The following LRRC8B variants were observed in gnomAD, a reference collection of about 807,000 sequenced individuals.
LRRC8B encodes the protein volume-regulated anion channel subunit LRRC8B.
A neutral mutation model predicts 58.8 loss-of-function variants in LRRC8B; 23 were observed. The observed-to-expected ratio is 0.39, with a 90% CI of 0.28 to 0.55. The LOEUF (loss-of-function observed/expected upper bound fraction) is 0.55, where lower values mean the gene tolerates loss of function less well. Ranked by LOEUF, LRRC8B falls within the 20% of genes least tolerant of loss-of-function variation. The pLI is 0.62. For missense variants in LRRC8B, 694 were observed against 936.0 expected (o/e 0.74, Z 3.37); for synonymous variants, 359 against 374.1 (o/e 0.96, Z 0.47).
chr1:89,586,357 C>T lies in LRRC8B; in HGVS notation c.2139+1568C>T, dbSNP rs572728771. On this transcript the variant is annotated intron_variant, in intron 5 of 5. Coordinates refer to ENST00000330947, the MANE Select transcript of LRRC8B (RefSeq NM_001369817.2). ...AGGTGATTAATATTAATATTTTGAT[C>T]ACATTTTTTCCATTGTTAAATTTAT... Among the ~76,000 whole-genome samples the T allele has an allele frequency of 2.2e-3, 334 of 152,264 alleles. 5 individuals carry two copies. The highest frequency in any genetic ancestry group is 6.8e-3 in the Middle Eastern group (2 of 294).
intron 3 of LRRC8B, among the ~76,000 whole-genome samples, chr1:89,579,190 G>A (rs17130833): frequency 0.022 from 3,331 of 152,222 alleles, 129 homozygotes; most frequent in African/African-American, 0.077. Flanking sequence ...AACATATGTC[G>A]ACTACTTAGA....
chr1:89,562,356 G>A (rs1652735751), intron 1 of LRRC8B, among the ~76,000 whole-genome samples: 1 of 152,018 alleles, frequency 6.6e-6, no homozygotes, highest in Non-Finnish European at 1.5e-5. Flanking sequence ...AGTGAATTTT[G>A]TAAACATGTG....
intron 3 of LRRC8B, among the ~76,000 whole-genome samples, chr1:89,571,969 T>G (rs1241651589): frequency 6.6e-6 from 1 of 152,218 alleles, no homozygotes; most frequent in Non-Finnish European, 1.5e-5. Flanking sequence ...TTGTCAATTT[T>G]CTGTCTCAAT....
Position 89,584,460 on chromosome 1 carries a change from A to G in LRRC8B, c.1810A>G (p.Ile604Val), listed in dbSNP as rs751862630. The change falls in exon 5 of 6, where the codon ATT (isoleucine) becomes GTT (valine). Residue 604 changes from isoleucine (I) to valine (V), a missense_variant. Physicochemically the swap from Ile to Val is conservative, Grantham distance 29 (BLOSUM62 3). Around this residue, in one of 5 missense-constraint regions of LRRC8B, gnomAD observed 53 missense variants for 112.3 expected, o/e 0.47. Transcript: ENST00000330947. ...TGACCTGGAACGCATCCCACATTCC[A>G]TTTTCAGCCTGAATAATTTGCATGA... ...SCDLERIPHS[I>V]FSLNNLHELD... is the part of the protein sequence containing the mutation. The G allele has an allele frequency of 1.2e-6, 2 of 1,614,166 alleles. No homozygotes were observed. Among genetic ancestry groups the G allele is most frequent in the Non-Finnish European group, 1.7e-6 (2 of 1,180,024 alleles).
intron 3 of LRRC8B, among the ~76,000 whole-genome samples, chr1:89,577,850 A>G (rs1234380176): frequency 6.6e-6 from 1 of 152,220 alleles, no homozygotes; most frequent in African/African-American, 2.4e-5. Flanking sequence ...TAACCCAGTT[A>G]TAATGCAGAT....
chr1:89,596,722 T>C lies in LRRC8B; in HGVS notation c.*3679T>C, dbSNP rs1655325680. The stretch of plus-strand genomic sequence containing the variant: ...CTACCGCACTAAATTTGATCAGCAA[T>C]TGTACAGTAACAGAATATATTTGTG... On this transcript the variant is annotated 3_prime_UTR_variant, in exon 6 of 6. Coordinates refer to ENST00000330947, the MANE Select transcript of LRRC8B (RefSeq NM_001369817.2). 1 of 152,172 alleles carries C rather than the reference T, an allele frequency of 6.6e-6. No homozygotes were observed. The allele number at this position is 152,172 out of a possible 1,614,324, so 9.4% of individuals were successfully genotyped here.
In LRRC8B at chr1:89,541,232, T is replaced by C. The variant is rs560517255; in HGVS notation, c.-241+16210T>C. On this transcript the variant is annotated intron_variant, in intron 1 of 5. Transcript: ENST00000330947. ...TCCAGAAAGCTAAAAAATTATGGGC[T>C]CATTGGGTAAGGTTTCTTGGCCTAG... Among the ~76,000 whole-genome samples the C allele has an allele frequency of 4.3e-4, 66 of 152,286 alleles. No individual in the cohort carries two copies. In the South Asian group the frequency reaches 9.7e-3, roughly 22 times the overall value.
intron 5 of LRRC8B, among the ~76,000 whole-genome samples, chr1:89,589,365 T>C (rs1654833352): frequency 6.6e-6 from 1 of 152,144 alleles, no homozygotes; most frequent in Non-Finnish European, 1.5e-5. Context: ...CAGTGGTATA[T>C]GTGGGTGGAC....
intron 1 of LRRC8B, among the ~76,000 whole-genome samples, chr1:89,528,224 C>T (rs549009926): frequency 3.3e-5 from 5 of 152,278 alleles, no homozygotes; most frequent in Non-Finnish European, 7.4e-5. Context: ...ATTTCACAGA[C>T]GCTGCCAGCT....
intron 5 of LRRC8B, among the ~76,000 whole-genome samples, chr1:89,586,189 G>C (rs1654609039): frequency 6.6e-6 from 1 of 152,182 alleles, no homozygotes; most frequent in African/African-American, 2.4e-5. Context: ...CCGCTCCCAG[G>C]GTTTCCGATT....
intron 1 of LRRC8B, among the ~76,000 whole-genome samples, chr1:89,546,252 A>T (rs1213458360): frequency 6.6e-6 from 1 of 152,098 alleles, no homozygotes; most frequent in South Asian, 2.1e-4. Context: ...GCTAGTAGGC[A>T]CTGGTTCATT....
intron 1 of LRRC8B, among the ~76,000 whole-genome samples, chr1:89,559,983 C>G (rs1395616763): frequency 2.6e-5 from 4 of 152,166 alleles, no homozygotes; most frequent in Non-Finnish European, 4.4e-5. Context: ...GTCTTTCAGA[C>G]TAGATATTCC....
intron 3 of LRRC8B, among the ~76,000 whole-genome samples, chr1:89,574,645 T>G (rs1653714215): frequency 6.6e-6 from 1 of 152,208 alleles, no homozygotes; most frequent in South Asian, 2.1e-4. Flanking sequence ...AGAAAGAGAC[T>G]AATTAAAGAA....
intron 4 of LRRC8B, among the ~76,000 whole-genome samples, chr1:89,581,273 C>CAAAAA (rs5776023): frequency 5.5e-5 from 4 of 72,552 alleles, no homozygotes; most frequent in East Asian, 4.5e-4. Flanking sequence ...GACTCCGTCT[C>CAAAAA]AAAAAAAAAA....
rs142767354 is a variant in LRRC8B at position 89,565,858 on chromosome 1, C to T, written c.-240-2389C>T. Among the ~76,000 whole-genome samples the T allele has an allele frequency of 1.9e-3, 284 of 152,154 alleles. 3 individuals carry two copies. Among genetic ancestry groups the T allele is most frequent in the African/African-American group, 6.3e-3 (262 of 41,500 alleles). ...TGGTATTCACTAAATATTTGTTCGCCGTGTTTTTAAGTGGAGTAGTGAAGC... is the reference window on the plus strand; with the variant it reads ...TGGTATTCACTAAATATTTGTTCGCTGTGTTTTTAAGTGGAGTAGTGAAGC... On this transcript the variant is annotated intron_variant, in intron 1 of 5. Transcript: ENST00000330947.
chr1:89,586,475 C>T (rs1192469850), intron 5 of LRRC8B, among the ~76,000 whole-genome samples: 4 of 152,070 alleles, frequency 2.6e-5, no homozygotes, highest in African/African-American at 7.2e-5. Context: ...TTTTGAAAGT[C>T]GGAGCTTATT....
At chr1:89,571,035 A>G (rs1290076150) in intron 3 of LRRC8B, among the ~76,000 whole-genome samples, 1 of 152,012 alleles carries the variant, frequency 6.6e-6, no homozygotes, top group Non-Finnish European at 1.5e-5. Flanking sequence ...ATGCAGTCTT[A>G]TTTCTGGGTT....
chr1:89,578,049 G>A (rs1653975225), intron 3 of LRRC8B, among the ~76,000 whole-genome samples: 1 of 152,150 alleles, frequency 6.6e-6, no homozygotes, highest in East Asian at 1.9e-4. Context: ...CTTGGGCAAG[G>A]TTAATTCTTT....
At chr1:89,586,827 A>G (rs1009500317) in intron 5 of LRRC8B, among the ~76,000 whole-genome samples, 5 of 152,222 alleles carry the variant, frequency 3.3e-5, no homozygotes, top group East Asian at 1.9e-4. Flanking sequence ...TGGTGAACTT[A>G]GGGTCAAAGA....
Sources: allele counts gnomAD v4.1 joint callset (sites outside exome capture counted in the v4.1 genomes callset), GRCh38; gene constraint gnomAD v4.1.1; regional missense constraint gnomAD v4.1.1; transcripts MANE v1.5; gene names NCBI Gene and HGNC (gene_info 2026-07-23, HGNC 2026-07-21).